SNX7: variants seen among roughly 807,000 people sequenced by gnomAD.
The protein encoded by SNX7 is sorting nexin 7, also known as sorting nexin-7.
In SNX7, 35 loss-of-function variants were observed where a neutral mutation model predicts 48.4. That is an observed-to-expected ratio of 0.72 (90% CI 0.55 to 0.96). The LOEUF (loss-of-function observed/expected upper bound fraction) is 0.96, where lower values mean the gene tolerates loss of function less well. Ranked by LOEUF, SNX7 falls within the 40% of genes least tolerant of loss-of-function variation. The probability of loss-of-function intolerance (pLI) is 0.00; values close to 1 mark genes in which losing one functional copy is unlikely to be tolerated. For missense variants in SNX7, 553 were observed against 548.9 expected (o/e 1.01, Z -0.07); for synonymous variants, 190 against 190.2 (o/e 1.00, Z 0.01).
chr1:98,715,434 A>G (rs1258475884), intron 7 of SNX7, among the ~76,000 whole-genome samples: 2 of 152,222 alleles, frequency 1.3e-5, no homozygotes, highest in Non-Finnish European at 2.9e-5. Flanking sequence ...ATGTCCGTCC[A>G]GCTTCTCCAC....
At chr1:98,724,741 T>C (rs1186978602) in intron 7 of SNX7, among the ~76,000 whole-genome samples, 1 of 152,158 alleles carries the variant, frequency 6.6e-6, no homozygotes, top group East Asian at 1.9e-4. Context: ...TCTCCCTAGA[T>C]TGCTTTTTAG....
intron 8 of SNX7, among the ~76,000 whole-genome samples, chr1:98,756,794 A>G (rs931150523): frequency 3.3e-5 from 5 of 152,110 alleles, no homozygotes; most frequent in African/African-American, 1.2e-4. Flanking sequence ...TCCCTTCACC[A>G]TGGCCTCGAA....
chr1:98,718,155 C>T (rs1652686366), intron 7 of SNX7, among the ~76,000 whole-genome samples: 1 of 151,970 alleles, frequency 6.6e-6, no homozygotes, highest in Admixed American at 6.6e-5. Flanking sequence ...TGAAGAAGGT[C>T]CCTCACCAAA....
chr1:98,674,904 GT>G (rs1650075349), intron 1 of SNX7, among the ~76,000 whole-genome samples: 1 of 152,168 alleles, frequency 6.6e-6, no homozygotes, highest in Non-Finnish European at 1.5e-5. Flanking sequence ...GGACTTTCTT[GT>G]GTGTGTGCAT....
intron 7 of SNX7, among the ~76,000 whole-genome samples, chr1:98,717,481 A>T (rs1306462093): frequency 6.6e-6 from 1 of 152,192 alleles, no homozygotes; most frequent in Non-Finnish European, 1.5e-5. Flanking sequence ...ATACTTGTAC[A>T]TAGCCTACTA....
At chr1:98,667,791 A>G (rs946333345) in intron 1 of SNX7, among the ~76,000 whole-genome samples, 5 of 152,068 alleles carry the variant, frequency 3.3e-5, no homozygotes, top group Non-Finnish European at 7.4e-5. Flanking sequence ...CAGATTTTTC[A>G]TCTGTAAAAT....
intron 5 of SNX7, among the ~76,000 whole-genome samples, chr1:98,697,678 A>C (rs1202278064): frequency 6.6e-6 from 1 of 152,168 alleles, no homozygotes; most frequent in Non-Finnish European, 1.5e-5. Flanking sequence ...TAGAAAAATA[A>C]TAAGACTCAG....
chr1:98,693,736 G>T (rs1570526360), intron 4 of SNX7, among the ~76,000 whole-genome samples: 1 of 152,162 alleles, frequency 6.6e-6, no homozygotes, highest in Non-Finnish European at 1.5e-5. Flanking sequence ...TATGTATTCT[G>T]CAAGATATTC....
At chr1:98,694,596 ATTTTTTTTTTTTTT>A (rs764330196) in intron 4 of SNX7, among the ~76,000 whole-genome samples, 2 of 53,200 alleles carry the variant, frequency 3.8e-5, no homozygotes, top group Non-Finnish European at 6.1e-5. Context: ...TTGCTCTGGG[ATTTTTTTTTTTTTT>A]TTTTTTTTTT....
At chr1:98,719,938 T>A (rs1040850548) in intron 7 of SNX7, among the ~76,000 whole-genome samples, 1 of 150,006 alleles carries the variant, frequency 6.7e-6, no homozygotes, top group Non-Finnish European at 1.5e-5. Flanking sequence ...TTATATATAT[T>A]ATTCAACTGT....
At chr1:98,735,386 C>T (rs1433547686) in intron 7 of SNX7, among the ~76,000 whole-genome samples, 2 of 151,708 alleles carry the variant, frequency 1.3e-5, no homozygotes, top group African/African-American at 4.8e-5. Context: ...TCCTTTTTTC[C>T]AACTAAACTT....
At chr1:98,718,647 A>G (rs1652710820) in intron 7 of SNX7, among the ~76,000 whole-genome samples, 1 of 152,142 alleles carries the variant, frequency 6.6e-6, no homozygotes, top group East Asian at 1.9e-4. Context: ...CACCCAGTGA[A>G]AAGTGTGCCC....
At chr1:98,688,369 TA>T (rs898325045) in intron 2 of SNX7, among the ~76,000 whole-genome samples, 4 of 152,218 alleles carry the variant, frequency 2.6e-5, no homozygotes, top group African/African-American at 9.6e-5. Flanking sequence ...AAGTGACTGT[TA>T]TAGAGAAGTA....
At chr1:98,690,714 T>C (rs1454539682) in intron 2 of SNX7, among the ~76,000 whole-genome samples, 4 of 152,068 alleles carry the variant, frequency 2.6e-5, no homozygotes, top group Non-Finnish European at 5.9e-5. Flanking sequence ...AAAAGAAATA[T>C]ATTTGAAACC....
intron 2 of SNX7, among the ~76,000 whole-genome samples, chr1:98,686,427 T>A (rs1650803241): frequency 6.6e-6 from 1 of 152,162 alleles, no homozygotes; most frequent in Admixed American, 6.5e-5. Flanking sequence ...TAACACACGA[T>A]AAGTGTTCAG....
intron 1 of SNX7, among the ~76,000 whole-genome samples, chr1:98,670,547 G>A: frequency 6.6e-6 from 1 of 152,172 alleles, no homozygotes; most frequent in East Asian, 1.9e-4. Flanking sequence ...GTGTTTTACT[G>A]TACCTTTTCT....
intron 7 of SNX7, among the ~76,000 whole-genome samples, chr1:98,719,841 A>G (rs1360808864): frequency 1.4e-5 from 2 of 142,222 alleles, no homozygotes; most frequent in Non-Finnish European, 3.0e-5. Context: ...ATTCTTATAA[A>G]TATGAGGTTT....
Position 98,738,381 on chromosome 1 carries a change from T to G in SNX7, c.1270T>G (p.Tyr424Asp), listed in dbSNP as rs761150410. Residue 424 changes from tyrosine to aspartate, a missense_variant, in exon 8 of 9, where the codon TAT becomes GAT. Tyr to Asp is a radical substitution (Grantham distance 160). Transcript: ENST00000306121. ...TATGGCTGAGGAGAATATCCATTAT[T>G]ATGAACAGGTAATTAGTGTTGTTTG... ...TDMAEENIHY[Y>D]EQCLATWESF... 6.2e-7 allele frequency: 1 copy of G among 1,612,708 alleles called. No homozygotes were observed. The highest frequency in any genetic ancestry group is 8.5e-7 in the Non-Finnish European group (1 of 1,179,228).
At chr1:98,695,864 C>T (rs1195740966) in intron 5 of SNX7, 148 bp downstream of exon 5, 1 of 647,138 alleles carries the variant, frequency 1.5e-6, no homozygotes, top group Non-Finnish European at 2.7e-6. Flanking sequence ...TTTCTGATTC[C>T]TAAATGATTT....
Sources: allele counts gnomAD v4.1 joint callset (sites outside exome capture counted in the v4.1 genomes callset), GRCh38; gene constraint gnomAD v4.1.1; transcripts MANE v1.5; gene names NCBI Gene and HGNC (gene_info 2026-07-23, HGNC 2026-07-21).